CNTLN: variants seen among roughly 807,000 people sequenced by gnomAD.
The protein encoded by CNTLN is centlein, centrosomal protein.
Under a neutral mutation model 180.0 loss-of-function variants are expected in CNTLN, and 212 were observed. The observed-to-expected ratio is 1.18, with a 90% CI of 1.05 to 1.32. CNTLN has a LOEUF of 1.32. Among genes scored for constraint, CNTLN ranks in the 40% most tolerant of loss-of-function variants. The probability of loss-of-function intolerance (pLI) is 0.00; values close to 1 mark genes in which losing one functional copy is unlikely to be tolerated. For synonymous variants in CNTLN, 722 were observed against 563.1 expected, an observed-to-expected ratio of 1.28 and a Z score of -3.99; for missense variants, 2,095 against 1,610.9, an observed-to-expected ratio of 1.30 and a Z score of -5.14.
chr9:17,270,504 G>A (rs866232157), intron 5 of CNTLN, among the ~76,000 whole-genome samples: 18 of 152,114 alleles, frequency 1.2e-4, no homozygotes, highest in African/African-American at 4.3e-4. Context: ...TACTAGTATA[G>A]CTTATTTTGG....
At chr9:17,164,198 G>A (rs1052674169) in intron 2 of CNTLN, among the ~76,000 whole-genome samples, 5 of 150,754 alleles carry the variant, frequency 3.3e-5, no homozygotes, top group Admixed American at 2.0e-4. Context: ...TGTAATCCTA[G>A]CTCCTCAGGA....
chr9:17,270,194 T>C (rs564336618), intron 5 of CNTLN, among the ~76,000 whole-genome samples: 2 of 152,184 alleles, frequency 1.3e-5, no homozygotes, highest in South Asian at 4.1e-4. Flanking sequence ...ATAAAACCAG[T>C]TTGTTCTTGA....
rs1248145154 is a variant in CNTLN, at chr9:17,335,360, T to TA, written c.1644+2631dup. On this transcript the variant is annotated intron_variant, in intron 10 of 25. Transcript: ENST00000380647. ...GGTGAAACCCTGTCTCTACTAAAAA[T>TA]ACAAAAATTAGCTGGGTGTGGTGGT... 1.1e-4 allele frequency among the ~76,000 whole-genome samples: 17 copies of TA among 152,152 alleles called. 1 individual carries two copies. The highest frequency in any genetic ancestry group is 4.1e-4 in the African/African-American group (17 of 41,530).
rs113289571 is a variant in CNTLN, at chr9:17,295,625, C to T, written c.984-2565C>T. 3.0e-3 allele frequency among the ~76,000 whole-genome samples: 462 copies of T among 152,156 alleles called. 4 individuals carry two copies. The highest frequency in any genetic ancestry group is 0.011 in the African/African-American group (438 of 41,530). ...GCCTCCGACCACAGCTGTTTCTAGTCGGCCATCTTGGCCCGCCCTGTTTTT... is the reference window on the plus strand; with the variant it reads ...GCCTCCGACCACAGCTGTTTCTAGTTGGCCATCTTGGCCCGCCCTGTTTTT... On this transcript the variant is annotated intron_variant, in intron 6 of 25. Coordinates refer to ENST00000380647, the MANE Select transcript of CNTLN (RefSeq NM_017738.4).
chr9:17,306,146 A>ATTTT (rs572150057), intron 7 of CNTLN, among the ~76,000 whole-genome samples: 1 of 127,996 alleles, frequency 7.8e-6, no homozygotes, highest in Non-Finnish European at 1.7e-5. Context: ...TTAGTCGTCT[A>ATTTT]TTTTTTTTTT....
chr9:17,436,335 G>A (rs550344111), intron 18 of CNTLN, among the ~76,000 whole-genome samples: 2 of 152,262 alleles, frequency 1.3e-5, no homozygotes, highest in East Asian at 1.9e-4. Flanking sequence ...TTCGGCAATG[G>A]CAATCTTAAA....
intron 7 of CNTLN, 166 bp downstream of exon 7, chr9:17,298,518 A>T (rs1356830298): frequency 1.5e-6 from 2 of 1,307,730 alleles, no homozygotes; most frequent in Non-Finnish European, 2.0e-6. Context: ...AACATTTAAA[A>T]TTTTTTGAAT....
At chr9:17,354,554 G>C (rs904730749) in intron 12 of CNTLN, among the ~76,000 whole-genome samples, 1 of 152,162 alleles carries the variant, frequency 6.6e-6, no homozygotes, top group Non-Finnish European at 1.5e-5. Flanking sequence ...TCAACACTCT[G>C]TATCTAGCTG....
At chr9:17,370,027 T>TA (rs1225548384) in intron 13 of CNTLN, among the ~76,000 whole-genome samples, 2 of 142,614 alleles carry the variant, frequency 1.4e-5, no homozygotes, top group Non-Finnish European at 3.1e-5. Flanking sequence ...GATAAAAGAA[T>TA]AAAAAACAAT....
intron 6 of CNTLN, among the ~76,000 whole-genome samples, chr9:17,284,015 T>TTTTG (rs144244795): frequency 1.1e-3 from 172 of 151,634 alleles, no homozygotes; most frequent in African/African-American, 4.0e-3. Flanking sequence ...TTATTGAGGA[T>TTTTG]TTTGTTTGTT....
At chr9:17,203,816 C>G (rs1016414247) in intron 2 of CNTLN, among the ~76,000 whole-genome samples, 1 of 152,188 alleles carries the variant, frequency 6.6e-6, no homozygotes, top group Admixed American at 6.5e-5. Context: ...CTCGGCCTCC[C>G]GAAGTGCTGG....
In CNTLN at chr9:17,279,510, T is replaced by A. The variant is rs1930593; in HGVS notation, c.983+5644T>A. On this transcript the variant is annotated intron_variant, in intron 6 of 25. Coordinates refer to ENST00000380647, the MANE Select transcript of CNTLN (RefSeq NM_017738.4). ...TGATTTGCCTTTGCTTTTCACCTTT[T>A]TCCAGGAGAACAGCCTATTTCCACT... Among the ~76,000 whole-genome samples the A allele has an allele frequency of 4.0e-3, 610 of 152,304 alleles. 18 individuals are homozygous for A. In the East Asian group the frequency reaches 0.056, roughly 14 times the overall value.
At chr9:17,408,510 C>A (rs768043704) in intron 15 of CNTLN, among the ~76,000 whole-genome samples, 2 of 151,870 alleles carry the variant, frequency 1.3e-5, no homozygotes, top group African/African-American at 4.8e-5. Flanking sequence ...CCACAAAAGT[C>A]CCTGGGCCCG....
chr9:17,344,925 G>A (rs1821763507), intron 12 of CNTLN, among the ~76,000 whole-genome samples: 1 of 152,042 alleles, frequency 6.6e-6, no homozygotes, highest in African/African-American at 2.4e-5. Context: ...TACCTGATTT[G>A]TTCTCCTTCC....
At chr9:17,281,181 G>A (rs989318037) in intron 6 of CNTLN, among the ~76,000 whole-genome samples, 1 of 152,008 alleles carries the variant, frequency 6.6e-6, no homozygotes, top group Middle Eastern at 3.4e-3. Context: ...CCTACTGAGA[G>A]GTATACTCTT....
At chr9:17,377,455 C>A (rs1824869150) in intron 13 of CNTLN, among the ~76,000 whole-genome samples, 1 of 152,084 alleles carries the variant, frequency 6.6e-6, no homozygotes, top group Non-Finnish European at 1.5e-5. Flanking sequence ...ACAGGATAAT[C>A]CCTTGAACAC....
chr9:17,387,210 C>G (rs1030400328), intron 13 of CNTLN, among the ~76,000 whole-genome samples: 2 of 152,022 alleles, frequency 1.3e-5, no homozygotes, highest in African/African-American at 4.8e-5. Flanking sequence ...TTTCTTTTTC[C>G]TTTGTTGAGA....
chr9:17,345,369 C>T (rs987748513), intron 12 of CNTLN, among the ~76,000 whole-genome samples: 2 of 142,732 alleles, frequency 1.4e-5, no homozygotes, highest in African/African-American at 5.2e-5. Flanking sequence ...TGCATGCTGA[C>T]ATTTTAGCTT....
At position 17,416,163 on chromosome 9, in the gene CNTLN, T is replaced by C; in HGVS notation, c.3088T>C (p.Phe1030Leu). 1 of 1,613,238 alleles carries C rather than the reference T, an allele frequency of 6.2e-7. No homozygotes were observed. The highest frequency in any genetic ancestry group is 8.5e-7 in the Non-Finnish European group (1 of 1,179,640). ...TCAACAGCAAGTATCCGATCAACGA[T>C]TTCAGACAAGCAGGCAGACAATAAA... is the stretch of plus-strand genomic sequence containing the variant. Reference protein sequence around the residue: ...LHQQQVSDQRFQTSRQTIKKL... With the variant: ...LHQQQVSDQRLQTSRQTIKKL... Residue 1030 changes from phenylalanine (F) to leucine (L), a missense_variant, in exon 18 of 26, where the codon TTT becomes CTT. Physicochemically the swap from Phe to Leu is conservative, Grantham distance 22. Transcript: ENST00000380647.
Sources: gnomAD v4.1 joint callset for allele counts (sites outside exome capture counted in the v4.1 genomes callset) on GRCh38, gnomAD v4.1.1 for gene constraint, MANE v1.5 for transcripts, NCBI Gene and HGNC (gene_info 2026-07-23, HGNC 2026-07-21) for gene names.